Variants in TULP4 observed in about 807,000 individuals in gnomAD.
TULP4 encodes the protein TUB like protein 4.
A neutral mutation model predicts 129.0 loss-of-function variants in TULP4; 16 were observed. The ratio of observed to expected loss-of-function variants is 0.12; its 90% confidence interval spans 0.08 to 0.19. The LOEUF (loss-of-function observed/expected upper bound fraction) is 0.19. Among genes scored for constraint, TULP4 ranks in the 10% least tolerant of loss-of-function variants. The pLI, the probability that TULP4 is intolerant of heterozygous loss-of-function variation, is 1.00. For synonymous variants in TULP4, 998 were observed against 854.0 expected (o/e 1.17, Z -2.94); for missense variants, 1,842 against 2,059.1 (o/e 0.89, Z 2.04).
intron 1 of TULP4, among the ~76,000 whole-genome samples, chr6:158,285,384 A>G (rs1778818800): frequency 6.6e-6 from 1 of 152,054 alleles, no homozygotes; most frequent in East Asian, 1.9e-4. Flanking sequence ...ATTTCTGTCC[A>G]AAAAGTCATT....
intron 2 of TULP4, among the ~76,000 whole-genome samples, chr6:158,424,110 A>G (rs1778419453): frequency 6.6e-6 from 1 of 152,156 alleles, no homozygotes; most frequent in Non-Finnish European, 1.5e-5. Flanking sequence ...TTTAAAATAT[A>G]TTTGCCCGTG....
chr6:158,318,821 GT>G (rs772292125), intron 1 of TULP4, among the ~76,000 whole-genome samples: 1 of 151,906 alleles, frequency 6.6e-6, no homozygotes, highest in African/African-American at 2.4e-5. Context: ...TGCCTCCTGG[GT>G]TTGAGTGATC....
At chr6:158,270,167 G>T (rs1032400515) in intron 1 of TULP4, among the ~76,000 whole-genome samples, 2 of 152,098 alleles carry the variant, frequency 1.3e-5, no homozygotes, top group African/African-American at 4.8e-5. Flanking sequence ...TTTATCTTAA[G>T]AACTCTGGCT....
chr6:158,260,244 C>T (rs904439156), intron 1 of TULP4, among the ~76,000 whole-genome samples: 4 of 152,176 alleles, frequency 2.6e-5, no homozygotes, highest in Non-Finnish European at 5.9e-5. Context: ...TCACCCAGAA[C>T]ATTCTAAGAG....
chr6:158,290,184 G>A (rs1177117042), intron 1 of TULP4, among the ~76,000 whole-genome samples: 1 of 152,146 alleles, frequency 6.6e-6, no homozygotes, highest in Non-Finnish European at 1.5e-5. Flanking sequence ...ATCCACATCA[G>A]CATTTGTTAT....
chr6:158,369,408 A>G (rs1209955500), intron 1 of TULP4, among the ~76,000 whole-genome samples: 1 of 152,180 alleles, frequency 6.6e-6, no homozygotes, highest in Non-Finnish European at 1.5e-5. Flanking sequence ...TTGAGGTGAG[A>G]TCATCACTTA....
chr6:158,347,296 A>G (rs1780335879), intron 1 of TULP4, among the ~76,000 whole-genome samples: 1 of 152,232 alleles, frequency 6.6e-6, no homozygotes, highest in Admixed American at 6.5e-5. Flanking sequence ...ACAGTAGCAC[A>G]TAATCCATTA....
intron 1 of TULP4, among the ~76,000 whole-genome samples, chr6:158,336,038 A>G (rs902139442): frequency 6.6e-6 from 1 of 152,176 alleles, no homozygotes; most frequent in African/African-American, 2.4e-5. Flanking sequence ...ATGATGAACC[A>G]TTTTGCATTC....
At position 158,452,283 on chromosome 6, in the gene TULP4, A is replaced by G; in HGVS notation, c.859+15A>G. ...AGGGCTGAAAGGTACAGAATGCTGCACACACCCCAAACCTGCAGACCGGGC... is the reference window on the plus strand; with the variant it reads ...AGGGCTGAAAGGTACAGAATGCTGCGCACACCCCAAACCTGCAGACCGGGC... On this transcript the variant is annotated intron_variant, in intron 5 of 13. Coordinates refer to ENST00000367097, the MANE Select transcript of TULP4 (RefSeq NM_020245.5). 6.2e-7 allele frequency: 1 copy of G among 1,613,360 alleles called. No homozygotes were observed. Among genetic ancestry groups the G allele is most frequent in the South Asian group, 1.1e-5 (1 of 90,954 alleles).
chr6:158,462,934 A>G (rs191060405), intron 6 of TULP4, among the ~76,000 whole-genome samples: 10 of 151,638 alleles, frequency 6.6e-5, no homozygotes, highest in Admixed American at 1.3e-4. Context: ...ATGTTTTTTT[A>G]GTAGAGACGG....
At chr6:158,365,258 A>G (rs1417101025) in intron 1 of TULP4, among the ~76,000 whole-genome samples, 6 of 151,902 alleles carry the variant, frequency 3.9e-5, no homozygotes, top group Non-Finnish European at 4.4e-5. Context: ...TCTCTATTCT[A>G]TACACAGAGT....
rs1235402520 is a variant in TULP4 at position 158,511,259 on chromosome 6, TTGAC to T, written c.*4569_*4572del. On this transcript the variant is annotated 3_prime_UTR_variant, in exon 14 of 14. Transcript: ENST00000367097. ...TTGTAGAAAAGCATGGGTTATGCGT[TTGAC>T]TGAAAAAGACACTGTATTATTTACC... 6.6e-6 allele frequency: 1 copy of T among 152,654 alleles called. No homozygotes were observed. The highest frequency in any genetic ancestry group is 1.5e-5 in the Non-Finnish European group (1 of 68,048). 9.5% of individuals were successfully genotyped at this position (152,654 alleles called of 1,614,324 possible).
At chr6:158,336,111 C>A (rs1780026505) in intron 1 of TULP4, among the ~76,000 whole-genome samples, 1 of 152,188 alleles carries the variant, frequency 6.6e-6, no homozygotes, top group Non-Finnish European at 1.5e-5. Context: ...TATTACCAAG[C>A]TTTTACATTG....
At chr6:158,328,390 G>A (rs1209463800) in intron 1 of TULP4, among the ~76,000 whole-genome samples, 2 of 151,998 alleles carry the variant, frequency 1.3e-5, no homozygotes, top group African/African-American at 4.8e-5. Flanking sequence ...AGCTGAAATT[G>A]AACTCAGGAA....
At chr6:158,311,379 G>C (rs1488547470), upstream of TULP4, among the ~76,000 whole-genome samples, 1 of 152,176 alleles carries the variant, frequency 6.6e-6, no homozygotes, top group African/African-American at 2.4e-5. Flanking sequence ...GGGCAGGGAG[G>C]ATGAGTAAGT....
chr6:158,457,859 C>T (rs574939818), intron 5 of TULP4, among the ~76,000 whole-genome samples: 38 of 152,146 alleles, frequency 2.5e-4, no homozygotes, highest in African/African-American at 8.2e-4. Flanking sequence ...AAGATTTGCC[C>T]ACGTCGTCCT....
chr6:158,328,125 TGTGCGTGC>T (rs769242005), intron 1 of TULP4, among the ~76,000 whole-genome samples: 9,601 of 52,066 alleles, frequency 0.18, 640 homozygotes, highest in African/African-American at 0.2. Context: ...TGTGTGTGTG[TGTGCGTGC>T]GTGCTGGGAA....
Position 158,503,503 on chromosome 6 carries a change from C to A in TULP4, c.3840C>A (p.Pro1280=). The change falls in exon 13 of 14, where the codon CCC becomes CCA. Residue 1280 remains proline, a synonymous_variant. Coordinates refer to ENST00000367097, the MANE Select transcript of TULP4 (RefSeq NM_020245.5). The surrounding 1 kb of genome is among the most constrained non-coding windows in gnomAD (Gnocchi z 4.3). ...PPMQNPQGTL[P]PKPHLVVEKP... ...TGCAGAACCCCCAGGGCACTCTCCCCCCAAAGCCACACTTGGTGGTGGAGA... is the reference window on the plus strand; with the variant it reads ...TGCAGAACCCCCAGGGCACTCTCCCACCAAAGCCACACTTGGTGGTGGAGA... 6.2e-7 allele frequency: 1 copy of A among 1,614,014 alleles called. No individual in the cohort carries two copies. Among genetic ancestry groups the A allele is most frequent in the Non-Finnish European group, 8.5e-7 (1 of 1,180,012 alleles).
chr6:158,364,909 GTATTT>G (rs558120070), intron 1 of TULP4, among the ~76,000 whole-genome samples: 36 of 152,030 alleles, frequency 2.4e-4, no homozygotes, highest in African/African-American at 8.7e-4. Context: ...CTAATTTTTT[GTATTT>G]TTAGTAGAGA....
Sources: allele counts gnomAD v4.1 joint callset (sites outside exome capture counted in the v4.1 genomes callset), GRCh38; gene constraint gnomAD v4.1.1; non-coding constraint Gnocchi (gnomAD v3.1); transcripts MANE v1.5; gene names NCBI Gene and HGNC (gene_info 2026-07-23, HGNC 2026-07-21).